Variants in PLXNA4 observed in about 807,000 individuals in gnomAD.
PLXNA4 encodes the protein plexin A4.
A neutral mutation model predicts 191.8 loss-of-function variants in PLXNA4; 44 were observed. The ratio of observed to expected loss-of-function variants is 0.23; its 90% CI spans 0.18 to 0.29. PLXNA4 has a LOEUF of 0.29. Ranked by LOEUF, PLXNA4 falls within the 10% of genes least tolerant of loss-of-function variation. PLXNA4 has a pLI of 1.00. For synonymous variants in PLXNA4, 1,082 were observed against 1,009.5 expected (o/e 1.07, Z -1.36); for missense variants, 1,800 against 2,488.8 (o/e 0.72, Z 5.89).
intron 3 of PLXNA4, among the ~76,000 whole-genome samples, chr7:132,322,164 G>A (rs1235769941): frequency 7.5e-6 from 1 of 133,106 alleles, no homozygotes; most frequent in Admixed American, 8.6e-5. Context: ...CAAGGCTAGA[G>A]TTCAATTTCC....
chr7:132,599,622 T>A (rs984069269), intron 2 of PLXNA4, among the ~76,000 whole-genome samples: 12 of 152,154 alleles, frequency 7.9e-5, no homozygotes, highest in Non-Finnish European at 1.6e-4. Context: ...AGGTAAGTGA[T>A]CATATCATTT....
chr7:132,340,052 T>C (rs1184559034), intron 3 of PLXNA4, among the ~76,000 whole-genome samples: 3 of 152,166 alleles, frequency 2.0e-5, no homozygotes. Context: ...ATTGTAGAAT[T>C]ATGGGCCCAA....
chr7:132,583,783 G>A (rs968771501), intron 2 of PLXNA4, among the ~76,000 whole-genome samples: 28 of 152,220 alleles, frequency 1.8e-4, no homozygotes, highest in African/African-American at 5.8e-4. Flanking sequence ...TTCTCCTAAC[G>A]CACGCCTGCT....
chr7:132,388,618 G>A (rs1214617006), intron 3 of PLXNA4, among the ~76,000 whole-genome samples: 2 of 152,182 alleles, frequency 1.3e-5, no homozygotes, highest in Non-Finnish European at 2.9e-5. Flanking sequence ...GGTTCCAGCT[G>A]TTAAACTCTT....
chr7:132,497,122 GCACACA>G (rs34913954), intron 2 of PLXNA4, among the ~76,000 whole-genome samples: 1 of 150,186 alleles, frequency 6.7e-6, no homozygotes, highest in Non-Finnish European at 1.5e-5. Context: ...GTGCACGCAC[GCACACA>G]CACACACACA....
At chr7:132,561,726 TC>T (rs2116646668) in intron 1 of PLXNA4, among the ~76,000 whole-genome samples, 1 of 133,006 alleles carries the variant, frequency 7.5e-6, no homozygotes, top group Admixed American at 7.8e-5. Flanking sequence ...CTTCTCCTCC[TC>T]TTCCTCCTCC....
At chr7:132,576,498 C>G (rs533426861), upstream of PLXNA4, 2 of 985,274 alleles carry the variant, frequency 2.0e-6, no homozygotes, top group East Asian at 2.3e-4. The surrounding 1 kb of genome is among the most constrained non-coding windows in gnomAD (Gnocchi z 5.8). Flanking sequence ...CGCTGCCTCT[C>G]GCCCTCCTCT....
chr7:132,261,894 A>C (rs969075886), intron 4 of PLXNA4, among the ~76,000 whole-genome samples: 9 of 152,208 alleles, frequency 5.9e-5, no homozygotes, highest in Non-Finnish European at 1.2e-4. Flanking sequence ...CTACACACAC[A>C]GTCCCAGGGA....
chr7:132,309,453 G>A (rs537686712), intron 3 of PLXNA4, among the ~76,000 whole-genome samples: 6 of 152,170 alleles, frequency 3.9e-5, no homozygotes, highest in East Asian at 1.9e-4. Context: ...TCATCCACAC[G>A]CCTCTATTGC....
intron 3 of PLXNA4, among the ~76,000 whole-genome samples, chr7:132,337,554 C>G (rs967084273): frequency 6.6e-5 from 10 of 152,218 alleles, no homozygotes; most frequent in Non-Finnish European, 1.5e-4. Flanking sequence ...CCGCAGTCAA[C>G]TACACCCTAG....
intron 3 of PLXNA4, among the ~76,000 whole-genome samples, chr7:132,371,788 CACAA>C (rs1263398385): frequency 1.3e-5 from 2 of 152,178 alleles, no homozygotes; most frequent in Non-Finnish European, 2.9e-5. Flanking sequence ...CCTCCTGACA[CACAA>C]ACACACACAC....
intron 3 of PLXNA4, among the ~76,000 whole-genome samples, chr7:132,422,179 GC>G (rs1466122888): frequency 2.0e-5 from 3 of 152,178 alleles, no homozygotes; most frequent in South Asian, 2.1e-4. Flanking sequence ...GAACATGTGA[GC>G]CCAGCACCCT....
intron 3 of PLXNA4, among the ~76,000 whole-genome samples, chr7:132,460,062 A>C (rs559176728): frequency 2.6e-5 from 4 of 152,236 alleles, no homozygotes; most frequent in African/African-American, 9.6e-5. Context: ...CAACTGTTTA[A>C]ATTCCATTTG....
intron 1 of PLXNA4, among the ~76,000 whole-genome samples, chr7:132,540,286 C>T (rs937308254): frequency 2.0e-5 from 3 of 152,178 alleles, no homozygotes; most frequent in African/African-American, 4.8e-5. Flanking sequence ...GGACACGTCT[C>T]CTGCTCAAGT....
intron 29 of PLXNA4, among the ~76,000 whole-genome samples, chr7:132,141,254 T>C (rs1795260149): frequency 6.6e-6 from 1 of 152,210 alleles, no homozygotes; most frequent in Non-Finnish European, 1.5e-5. Flanking sequence ...TCTGACTCTC[T>C]GCCATCTACT....
At chr7:132,560,970 G>GC (rs1045174991) in intron 1 of PLXNA4, among the ~76,000 whole-genome samples, 11 of 152,012 alleles carry the variant, frequency 7.2e-5, no homozygotes, top group African/African-American at 2.2e-4. Flanking sequence ...TCTCCACGTG[G>GC]CCCCCGCTGA....
intron 1 of PLXNA4, among the ~76,000 whole-genome samples, chr7:132,537,850 CA>C (rs1436577395): frequency 6.6e-6 from 1 of 152,222 alleles, no homozygotes; most frequent in East Asian, 1.9e-4. Flanking sequence ...CTTCTGTTGT[CA>C]ATTTCATGGA....
intron 5 of PLXNA4, among the ~76,000 whole-genome samples, chr7:132,231,486 G>A (rs760462229): frequency 7.9e-5 from 12 of 152,094 alleles, no homozygotes; most frequent in African/African-American, 1.2e-4. Context: ...ATGCAGTGGC[G>A]TAATCTCAGC....
intron 5 of PLXNA4, among the ~76,000 whole-genome samples, chr7:132,236,982 G>C (rs549920472): frequency 1.3e-5 from 2 of 152,288 alleles, no homozygotes; most frequent in African/African-American, 4.8e-5. Context: ...ATCTGGCTTT[G>C]ACCTGAACCT....
Sources: allele counts gnomAD v4.1 joint callset (sites outside exome capture counted in the v4.1 genomes callset), GRCh38; gene constraint gnomAD v4.1.1; non-coding constraint Gnocchi (gnomAD v3.1); transcripts MANE v1.5; gene names NCBI Gene and HGNC (gene_info 2026-07-23, HGNC 2026-07-21).